Variants in DMD observed in about 807,000 individuals in gnomAD.
DMD encodes mutant dystrophin.
A neutral mutation model predicts 330.1 loss-of-function variants in DMD; 63 were observed. That is an observed-to-expected ratio of 0.19 (90% confidence interval 0.16 to 0.24). The LOEUF (loss-of-function observed/expected upper bound fraction) is 0.24, where lower values mean the gene tolerates loss of function less well. DMD is among the 10% of genes least tolerant of loss of function. The pLI is 1.00. For missense variants in DMD, 3,344 were observed against 2,684.1 expected (o/e 1.25, Z -5.43); for synonymous variants, 1,223 against 959.8 (o/e 1.27, Z -5.07).
At position 32,332,310 on chromosome X, in the gene DMD, G is replaced by T. The variant is rs934500171; in HGVS notation, c.5922+9790C>A. 3.6e-5 allele frequency among the ~76,000 whole-genome samples: 4 copies of T among 110,036 alleles called. No homozygotes were observed. In the Admixed American group the frequency reaches 3.9e-4, roughly 11 times the overall value. On this transcript the variant is annotated intron_variant, in intron 41 of 78. Coordinates refer to ENST00000357033, the MANE Select transcript of DMD (RefSeq NM_004006.3). ...TTGTTGGGTTGGAGCTCTACTTCTA[G>T]GTAGGGAAATAAATACTCAAGAAGA...
intron 45 of DMD, among the ~76,000 whole-genome samples, chrX:31,960,768 A>C (rs1441374310): frequency 8.9e-6 from 1 of 112,400 alleles, no homozygotes; most frequent in Non-Finnish European, 1.9e-5. Context: ...AAAATATGAC[A>C]TAAAACAATT....
At position 31,121,696 on chromosome X, in the gene DMD, A is replaced by T. The variant is rs992724150; in HGVS notation, c.*223T>A. 15 of 490,046 alleles carry T rather than the reference A, an allele frequency of 3.1e-5. No homozygotes were observed. Among genetic ancestry groups the T allele is most frequent in the African/African-American group, 1.7e-4 (7 of 41,762 alleles). 40.4% of individuals were successfully genotyped at this position (490,046 alleles called of 1,213,427 possible). On this transcript the variant is annotated 3_prime_UTR_variant, in exon 79 of 79. Transcript: ENST00000357033. Reference sequence around the variant, plus strand: ...TTAACAAAACAATAACAGACTTAGAAACTACTGAAATCTACAGTATAATAC... The same window carrying T: ...TTAACAAAACAATAACAGACTTAGATACTACTGAAATCTACAGTATAATAC...
intron 77 of DMD, among the ~76,000 whole-genome samples, chrX:31,127,918 C>T (rs771685395): frequency 4.5e-5 from 5 of 110,898 alleles, no homozygotes; most frequent in East Asian, 2.8e-4. Flanking sequence ...CATGACTCAG[C>T]GATTTCTTAG....
intron 11 of DMD, among the ~76,000 whole-genome samples, chrX:32,638,151 G>T (rs1307802982): frequency 9.0e-6 from 1 of 111,400 alleles, no homozygotes; most frequent in Non-Finnish European, 1.9e-5. Flanking sequence ...CTTCTTATTA[G>T]TCCAATAGCT....
At chrX:32,713,767 G>A (rs1340543820) in intron 7 of DMD, among the ~76,000 whole-genome samples, 1 of 111,558 alleles carries the variant, frequency 9.0e-6, no homozygotes, top group Non-Finnish European at 1.9e-5. Context: ...ATGTTTGTGG[G>A]CATGTGAGTG....
chrX:31,949,161 C>G (rs904050672), intron 45 of DMD, among the ~76,000 whole-genome samples: 6 of 110,788 alleles, frequency 5.4e-5, no homozygotes, highest in African/African-American at 1.6e-4. Context: ...CAATTTGTGC[C>G]AAGATTGTGC....
chrX:32,833,788 T>A (rs1179238528), intron 4 of DMD, among the ~76,000 whole-genome samples: 1 of 109,281 alleles, frequency 9.2e-6, no homozygotes, highest in African/African-American at 3.3e-5. Flanking sequence ...CTATTTATAG[T>A]TATATAATTA....
intron 37 of DMD, among the ~76,000 whole-genome samples, chrX:32,361,930 A>G (rs2097837088): frequency 9.0e-6 from 1 of 111,427 alleles, no homozygotes; most frequent in East Asian, 2.8e-4. Context: ...ATTGAAATTT[A>G]TCAAACTACA....
chrX:32,811,710 T>A (rs915224789), intron 6 of DMD, among the ~76,000 whole-genome samples: 1 of 111,924 alleles, frequency 8.9e-6, no homozygotes, highest in Admixed American at 9.5e-5. Context: ...GCAAGAAAAA[T>A]GAAGAAGCCA....
At chrX:33,079,054 G>C (rs775773296) in intron 1 of DMD, among the ~76,000 whole-genome samples, 2 of 111,330 alleles carry the variant, frequency 1.8e-5, no homozygotes, top group South Asian at 7.4e-4. Context: ...TTTTGAGACA[G>C]AGTTTCTCTC....
chrX:32,863,069 T>TA (rs2082193200), intron 2 of DMD, among the ~76,000 whole-genome samples: 1 of 110,756 alleles, frequency 9.0e-6, no homozygotes, highest in Non-Finnish European at 1.9e-5. Flanking sequence ...TTCACATAGA[T>TA]ACATGATTTG....
At chrX:32,132,993 CTTTTTTTTTTTTTTT>C (rs377615262) in intron 44 of DMD, among the ~76,000 whole-genome samples, 8 of 75,976 alleles carry the variant, frequency 1.1e-4, no homozygotes, top group African/African-American at 4.1e-4. Flanking sequence ...CTTTTCTTTT[CTTTTTTTTTTTTTTT>C]TTTTTTTTTT....
chrX:33,001,407 GT>G (rs1356820640), intron 2 of DMD, among the ~76,000 whole-genome samples: 1 of 111,984 alleles, frequency 8.9e-6, no homozygotes, highest in African/African-American at 3.2e-5. Flanking sequence ...TTTAGGAACA[GT>G]TTCAGTCTAT....
rs185943230 is a variant in DMD at position 32,757,066 on chromosome X, A to G, written c.649+52427T>C. On this transcript the variant is annotated intron_variant, in intron 7 of 78. Transcript: ENST00000357033. ...TTTTCTAATTTCGAATTTACTTAAC[A>G]TGACAAATTTTATATATTTATAGTA... 4.1e-3 allele frequency among the ~76,000 whole-genome samples: 454 copies of G among 111,699 alleles called. 5 individuals carry two copies. The highest frequency in any genetic ancestry group is 0.027 in the Admixed American group (286 of 10,482).
At chrX:31,375,105 G>A (rs746129327) in intron 60 of DMD, among the ~76,000 whole-genome samples, 4 of 112,044 alleles carry the variant, frequency 3.6e-5, no homozygotes, top group Non-Finnish European at 7.5e-5. Flanking sequence ...GGGACGCTAA[G>A]CTTGTGGGAG....
intron 1 of DMD, among the ~76,000 whole-genome samples, chrX:33,183,684 A>C (rs2050107672): frequency 9.0e-6 from 1 of 111,134 alleles, no homozygotes; most frequent in Non-Finnish European, 1.9e-5. Flanking sequence ...TTTCATCATG[A>C]TCCGCGAAAT....
chrX:31,590,700 T>G (rs931617983), intron 55 of DMD, among the ~76,000 whole-genome samples: 12 of 111,694 alleles, frequency 1.1e-4, no homozygotes, highest in African/African-American at 3.9e-4. Context: ...GTTTTTGCGC[T>G]TTTAAAATAG....
intron 44 of DMD, among the ~76,000 whole-genome samples, chrX:32,209,942 G>T (rs964303690): frequency 1.8e-5 from 2 of 111,533 alleles, no homozygotes; most frequent in African/African-American, 3.2e-5. Flanking sequence ...AGGATTGAAA[G>T]CCCCTCTCGG....
chrX:31,827,843 T>C (rs2092924941), intron 49 of DMD, among the ~76,000 whole-genome samples: 1 of 111,526 alleles, frequency 9.0e-6, no homozygotes, highest in Non-Finnish European at 1.9e-5. Context: ...GAAATTGAGA[T>C]GGAAATTAAA....
Sources: gnomAD v4.1 joint callset for allele counts (sites outside exome capture counted in the v4.1 genomes callset) on GRCh38, gnomAD v4.1.1 for gene constraint, MANE v1.5 for transcripts, NCBI Gene and HGNC (gene_info 2026-07-23, HGNC 2026-07-21) for gene names.